Variants in MYO1B observed in about 807,000 individuals in gnomAD.
The protein encoded by MYO1B is unconventional myosin-Ib.
A neutral mutation model predicts 159.7 loss-of-function variants in MYO1B; 72 were observed. The ratio of observed to expected loss-of-function variants is 0.45; its 90% CI spans 0.37 to 0.55. The LOEUF is 0.55. MYO1B is among the 20% of genes least tolerant of loss of function. The pLI is 0.00. For synonymous variants in MYO1B, 468 were observed against 473.8 expected, an observed-to-expected ratio of 0.99 and a Z score of 0.16; for missense variants, 1,062 against 1,364.8, an observed-to-expected ratio of 0.78 and a Z score of 3.50.
chr2:191,295,169 TC>T (rs1688912176), intron 2 of MYO1B, among the ~76,000 whole-genome samples: 5 of 152,122 alleles, frequency 3.3e-5, no homozygotes, highest in Admixed American at 3.3e-4. Flanking sequence ...GCACCTTTTT[TC>T]CCCCTCCTGT....
chr2:191,423,531 A>G (rs1698075671), intron 30 of MYO1B, among the ~76,000 whole-genome samples: 2 of 152,218 alleles, frequency 1.3e-5, no homozygotes, highest in South Asian at 4.1e-4. Flanking sequence ...TTCCGCGCTT[A>G]TGGGACCACC....
chr2:191,315,039 G>A (rs1389271194), intron 3 of MYO1B, among the ~76,000 whole-genome samples: 1 of 152,124 alleles, frequency 6.6e-6, no homozygotes, highest in Non-Finnish European at 1.5e-5. Flanking sequence ...TGTTACAGGT[G>A]TAAGTGAATG....
rs140118485 is a variant in MYO1B, at chr2:191,415,902, C to T, written c.3160-213C>T. On this transcript the variant is annotated intron_variant, in intron 29 of 30. Coordinates refer to ENST00000392318, the MANE Select transcript of MYO1B (RefSeq NM_001130158.3). ...CACATGGTGCTTCTGCTGCATCCAC[C>T]GACTTTAGGTAGAAGGGGATTAGGT... 2.7e-4 allele frequency among the ~76,000 whole-genome samples: 41 copies of T among 152,214 alleles called. 1 individual carries two copies. The highest frequency in any genetic ancestry group is 6.8e-3 in the Middle Eastern group (2 of 294).
intron 1 of MYO1B, among the ~76,000 whole-genome samples, chr2:191,267,051 T>G (rs1408149592): frequency 6.6e-6 from 1 of 152,152 alleles, no homozygotes; most frequent in East Asian, 1.9e-4. Context: ...TTTTCTATAC[T>G]CAGACAGAAA....
chr2:191,320,397 A>G (rs1313382528), intron 3 of MYO1B, among the ~76,000 whole-genome samples: 1 of 152,118 alleles, frequency 6.6e-6, no homozygotes, highest in Non-Finnish European at 1.5e-5. Flanking sequence ...CATGATATGA[A>G]TTTAGCTATT....
At chr2:191,340,821 G>C (rs1350769631) in intron 4 of MYO1B, among the ~76,000 whole-genome samples, 2 of 151,974 alleles carry the variant, frequency 1.3e-5, no homozygotes, top group Non-Finnish European at 2.9e-5. Context: ...CACCTCCCGG[G>C]TTCAAGCACT....
At chr2:191,405,976 G>A (rs2126149609) in intron 24 of MYO1B, among the ~76,000 whole-genome samples, 1 of 152,318 alleles carries the variant, frequency 6.6e-6, no homozygotes, top group African/African-American at 2.4e-5. Flanking sequence ...AGTCTAGATG[G>A]CATCTTCTTC....
chr2:191,363,482 G>T (rs1245379239), intron 9 of MYO1B, among the ~76,000 whole-genome samples: 1 of 152,060 alleles, frequency 6.6e-6, no homozygotes, highest in Non-Finnish European at 1.5e-5. Flanking sequence ...AGTGGAAGTA[G>T]GGACCCAAGG....
intron 11 of MYO1B, among the ~76,000 whole-genome samples, chr2:191,365,526 T>A (rs919778838): frequency 3.3e-5 from 5 of 152,238 alleles, no homozygotes; most frequent in African/African-American, 1.2e-4. Flanking sequence ...TCCTTCCTCC[T>A]AAATTACTGC....
chr2:191,276,770 T>C lies in MYO1B; in HGVS notation c.-9-117T>C. On this transcript the variant is annotated intron_variant, in intron 1 of 30. Transcript: ENST00000392318. The stretch of plus-strand genomic sequence containing the variant: ...ATAGGGAGGAGAGGTTATGACATTT[T>C]TTAAGGCTAGTGAGAGTCATTTGGA... 8 of 1,236,078 alleles carry C rather than the reference T, an allele frequency of 6.5e-6. No individual in the cohort carries two copies. In the South Asian group the frequency reaches 1.3e-4, roughly 21 times the overall value. 76.6% of individuals were successfully genotyped at this position (1,236,078 alleles called of 1,614,324 possible).
chr2:191,406,287 A>G (rs1696912721), intron 24 of MYO1B, among the ~76,000 whole-genome samples: 1 of 152,214 alleles, frequency 6.6e-6, no homozygotes, highest in African/African-American at 2.4e-5. Context: ...ATCAGCAATG[A>G]AGCTGTTTCA....
At chr2:191,407,304 T>C (rs1366469303) in intron 24 of MYO1B, among the ~76,000 whole-genome samples, 4 of 152,216 alleles carry the variant, frequency 2.6e-5, no homozygotes, top group Non-Finnish European at 5.9e-5. Flanking sequence ...AAAAAAGATA[T>C]GTAATATCTG....
intron 8 of MYO1B, 62 bp from the exon 9 acceptor site, chr2:191,362,206 A>G: frequency 8.1e-7 from 1 of 1,241,244 alleles, no homozygotes. Context: ...ATCAAAGGGA[A>G]TGAGATATTA....
rs746931124 is a variant in MYO1B, at chr2:191,330,069, T to C, written c.346+40T>C. 22 of 1,566,866 alleles carry C rather than the reference T, an allele frequency of 1.4e-5. No homozygotes were observed. The Admixed American group carries it at 1.7e-4, about 12-fold the overall frequency. ...AAGCAACTCTGCAGAAGGTAAATGC[T>C]GCACAGAATGACAACAGCAAAGAGG... On this transcript the variant is annotated intron_variant, in intron 4 of 30. Transcript: ENST00000392318.
intron 5 of MYO1B, among the ~76,000 whole-genome samples, chr2:191,342,233 G>T (rs376679202): frequency 6.6e-6 from 1 of 152,138 alleles, no homozygotes; most frequent in African/African-American, 2.4e-5. Context: ...GTGCTTGAGT[G>T]GGGAGAGGTG....
In MYO1B at chr2:191,411,045, C is replaced by T. The variant is rs188812885; in HGVS notation, c.2767-21C>T. On this transcript the variant is annotated intron_variant, in intron 26 of 30. Coordinates refer to ENST00000392318, the MANE Select transcript of MYO1B (RefSeq NM_001130158.3). ...TATTTATATAAATGATGTTTTGTTT[C>T]TTTCTTCTCATATCTCACAGTGTAA... The T allele has an allele frequency of 3.1e-4, 431 of 1,369,276 alleles. 2 individuals are homozygous for T. The African/African-American group carries it at 6.0e-3, about 19-fold the overall frequency. The allele number at this position is 1,369,276 out of a possible 1,614,324, so 84.8% of individuals were successfully genotyped here. A position where few individuals can be genotyped will look rare whatever the true frequency, so the allele number is the denominator to read the frequency against.
chr2:191,266,568 G>A (rs1281125660), intron 1 of MYO1B, among the ~76,000 whole-genome samples: 1 of 152,152 alleles, frequency 6.6e-6, no homozygotes, highest in Admixed American at 6.5e-5. Context: ...AGACTGAAGG[G>A]TATATGTAAT....
At position 191,400,825 on chromosome 2, in the gene MYO1B, T is replaced by A. The variant is rs771950725; in HGVS notation, c.2459T>A (p.Leu820His). 2 of 1,614,000 alleles carry A rather than the reference T, an allele frequency of 1.2e-6. No individual in the cohort carries two copies. The highest frequency in any genetic ancestry group is 1.7e-6 in the Non-Finnish European group (2 of 1,179,874). ...HAIAVIWAYW[L>H]GSKARRELKR... ...ATTGCAGTTATTTGGGCTTACTGGC[T>A]TGGATCTAAGGTACTTGATGCACAT... The change falls in exon 23 of 31, where the codon CTT (leucine) becomes CAT (histidine). Residue 820 changes from leucine (L) to histidine (H), a missense_variant. Leu to His is a moderately conservative substitution (Grantham distance 99, BLOSUM62 -3). Around this residue, in one of 5 missense-constraint regions of MYO1B, gnomAD observed 609 missense variants for 744.4 expected, o/e 0.82. Transcript: ENST00000392318.
intron 26 of MYO1B, among the ~76,000 whole-genome samples, chr2:191,409,665 A>G (rs2126161917): frequency 6.6e-6 from 1 of 152,330 alleles, no homozygotes; most frequent in African/African-American, 2.4e-5. Context: ...CCTGTCCCTA[A>G]AGATAGTAAC....
Sources: gnomAD v4.1 joint callset for allele counts (sites outside exome capture counted in the v4.1 genomes callset) on GRCh38, gnomAD v4.1.1 for gene constraint, gnomAD v4.1.1 regional missense constraint, MANE v1.5 for transcripts, NCBI Gene and HGNC (gene_info 2026-07-23, HGNC 2026-07-21) for gene names.